The following ITPRID1 variants were observed in gnomAD, a reference collection of about 807,000 sequenced individuals.
The protein encoded by ITPRID1 is ITPR interacting domain containing 1, also known as protein ITPRID1.
ITPRID1 carries 96 observed loss-of-function variants against 95.4 expected under a neutral mutation model. The observed-to-expected ratio is 1.01, with a 90% CI of 0.85 to 1.19. The LOEUF is 1.19. Ranked by LOEUF, ITPRID1 falls within the 50% of genes most tolerant of loss-of-function variation. ITPRID1 has a pLI of 0.00. For missense variants in ITPRID1, 1,339 were observed against 1,252.9 expected, an observed-to-expected ratio of 1.07 and a Z score of -1.04; for synonymous variants, 510 against 453.6, an observed-to-expected ratio of 1.12 and a Z score of -1.58.
At chr7:31,573,955 G>T (rs550021664) in intron 7 of ITPRID1, among the ~76,000 whole-genome samples, 1 of 151,840 alleles carries the variant, frequency 6.6e-6, no homozygotes, top group South Asian at 2.1e-4. Flanking sequence ...AGAATGAGTT[G>T]GTAAAAGCAT....
chr7:31,557,305 G>T (rs896329342), intron 5 of ITPRID1, among the ~76,000 whole-genome samples: 2 of 152,054 alleles, frequency 1.3e-5, no homozygotes, highest in African/African-American at 4.8e-5. Context: ...AGATCTAAGT[G>T]TCTTCATCTT....
chr7:31,554,308 G>A, intron 3 of ITPRID1, 167 bp from the exon 4 acceptor site: 2 of 1,259,596 alleles, frequency 1.6e-6, no homozygotes, highest in Non-Finnish European at 2.1e-6. Context: ...GCTGATCATG[G>A]AAAACAGGAG....
At chr7:31,540,519 C>T (rs1783900495) in intron 1 of ITPRID1, among the ~76,000 whole-genome samples, 1 of 152,164 alleles carries the variant, frequency 6.6e-6, no homozygotes, top group Non-Finnish European at 1.5e-5. Context: ...TTTTGAAACA[C>T]AATTTTCTCT....
intron 10 of ITPRID1, among the ~76,000 whole-genome samples, chr7:31,602,846 T>A (rs1443214204): frequency 6.6e-6 from 1 of 152,132 alleles, no homozygotes; most frequent in East Asian, 1.9e-4. Context: ...TGGTTATTTA[T>A]TTTGTTCACA....
At chr7:31,632,935 G>T (rs1789149184) in intron 10 of ITPRID1, among the ~76,000 whole-genome samples, 1 of 151,742 alleles carries the variant, frequency 6.6e-6, no homozygotes, top group Non-Finnish European at 1.5e-5. Flanking sequence ...TCGCCAGGCT[G>T]GAGTGCTGTG....
chr7:31,580,092 A>G (rs1785340641), intron 9 of ITPRID1, among the ~76,000 whole-genome samples: 1 of 152,052 alleles, frequency 6.6e-6, no homozygotes, highest in South Asian at 2.1e-4. Context: ...GAGGTCAGGA[A>G]TTTGAGACCA....
At position 31,577,992 on chromosome 7, in the gene ITPRID1, T is replaced by C; in HGVS notation, c.728T>C (p.Val243Ala). Residue 243 changes from valine (V) to alanine (A), a missense_variant, in exon 9 of 15, where the codon GTG (valine) becomes GCG (alanine). By Grantham distance (64) the Val-to-Ala change is moderately conservative. Transcript: ENST00000615280. ...AGGESVQRTS[V>A]SAAKEHRRRM... ...GGAGAGAGTGTGCAAAGAACCTCAG[T>C]GAGTGCCGCCAAAGAGCATCGAAGA... 1.2e-6 allele frequency: 2 copies of C among 1,613,688 alleles called. No individual in the cohort carries two copies. Among genetic ancestry groups the C allele is most frequent in the Non-Finnish European group, 1.7e-6 (2 of 1,179,806 alleles).
intron 13 of ITPRID1, 62 bp from the exon 14 acceptor site, chr7:31,651,877 A>C: frequency 4.3e-6 from 5 of 1,163,668 alleles, no homozygotes; most frequent in Non-Finnish European, 6.3e-6. Context: ...ATGAGGTGAC[A>C]ATGGAAGATT....
At chr7:31,559,727 C>T (rs2128139147) in intron 5 of ITPRID1, among the ~76,000 whole-genome samples, 1 of 152,274 alleles carries the variant, frequency 6.6e-6, no homozygotes, top group Non-Finnish European at 1.5e-5. Flanking sequence ...ATTTAGGCAG[C>T]ATTACTAGTA....
chr7:31,651,540 C>T (rs1272401915), intron 13 of ITPRID1, among the ~76,000 whole-genome samples: 2 of 152,024 alleles, frequency 1.3e-5, no homozygotes, highest in East Asian at 3.9e-4. Context: ...GGATGGGGCT[C>T]GTGCAAATGC....
intron 10 of ITPRID1, among the ~76,000 whole-genome samples, chr7:31,634,246 A>T (rs1171866703): frequency 6.6e-6 from 1 of 152,212 alleles, no homozygotes; most frequent in Non-Finnish European, 1.5e-5. Flanking sequence ...CCATGAAGAC[A>T]CTTGTGTGCT....
In ITPRID1 at chr7:31,653,434, T is replaced by C. The variant is rs1412168667; in HGVS notation, c.*605T>C. Reference sequence around the variant, plus strand: ...AATAAACATAGGGCAGAGGAAGCAATCAGATATGCATTTGTCTCGGGGGAG... The same window carrying C: ...AATAAACATAGGGCAGAGGAAGCAACCAGATATGCATTTGTCTCGGGGGAG... On this transcript the variant is annotated 3_prime_UTR_variant, in exon 15 of 15. Transcript: ENST00000615280. 6.5e-6 allele frequency: 1 copy of C among 153,288 alleles called. No individual in the cohort carries two copies. Among genetic ancestry groups the C allele is most frequent in the Non-Finnish European group, 1.5e-5 (1 of 68,856 alleles). 9.5% of individuals were successfully genotyped at this position (153,288 alleles called of 1,614,324 possible).
Position 31,643,313 on chromosome 7 carries a change from A to T in ITPRID1, c.1943A>T (p.Glu648Val), listed in dbSNP as rs150134204. 7.9e-5 allele frequency: 128 copies of T among 1,613,948 alleles called. No individual in the cohort carries two copies. The African/African-American group carries it at 1.2e-3, about 15-fold the overall frequency. Reference sequence around the variant, plus strand: ...TCACAGTGTATCCCCAAGCACAGTGAAATCACACCTTATGCAACTGACCTT... The same window carrying T: ...TCACAGTGTATCCCCAAGCACAGTGTAATCACACCTTATGCAACTGACCTT... Reference protein sequence around the residue: ...SSSQCIPKHSEITPYATDLAQ... With the variant: ...SSSQCIPKHSVITPYATDLAQ... Residue 648 changes from glutamate to valine, a missense_variant, in exon 12 of 15, where the codon GAA becomes GTA. Coordinates refer to ENST00000615280, the MANE Select transcript of ITPRID1 (RefSeq NM_001257967.3).
chr7:31,578,000 G>T lies in ITPRID1; in HGVS notation c.736G>T (p.Ala246Ser). 1.2e-6 allele frequency: 2 copies of T among 1,613,738 alleles called. No homozygotes were observed. The highest frequency in any genetic ancestry group is 1.7e-6 in the Non-Finnish European group (2 of 1,179,820). The change falls in exon 9 of 15, where the codon GCC becomes TCC. Residue 246 changes from alanine to serine, a missense_variant. Transcript: ENST00000615280. ...ESVQRTSVSA[A>S]KEHRRRMGKL... is the part of the protein sequence containing the mutation. ...TGTGCAAAGAACCTCAGTGAGTGCCGCCAAAGAGCATCGAAGAAGAATGGG... is the reference window on the plus strand; with the variant it reads ...TGTGCAAAGAACCTCAGTGAGTGCCTCCAAAGAGCATCGAAGAAGAATGGG...
rs536862025 is a variant in ITPRID1 at position 31,598,468 on chromosome 7, A to G, written c.1228+15277A>G. Among the ~76,000 whole-genome samples, 14 of 125,150 alleles carry G rather than the reference A, an allele frequency of 1.1e-4. No homozygotes were observed. In the South Asian group the frequency reaches 3.1e-3, roughly 28 times the overall value. 82.1% of individuals were successfully genotyped at this position (125,150 alleles called of 152,430 possible). A position where few individuals can be genotyped will look rare whatever the true frequency, so the allele number is the denominator to read the frequency against. ...ACCCAGGCTGGAGTGCAGTGGCGCT[A>G]TCTCGGCTCACTGCAAGCTCCGCCT... On this transcript the variant is annotated intron_variant, in intron 10 of 14. Coordinates refer to ENST00000615280, the MANE Select transcript of ITPRID1 (RefSeq NM_001257967.3).
intron 6 of ITPRID1, 128 bp from the exon 7 acceptor site, chr7:31,571,974 T>C: frequency 3.3e-6 from 2 of 613,212 alleles, no homozygotes; most frequent in South Asian, 4.2e-5. Context: ...AAAGGTGTGG[T>C]CATTATGGGA....
chr7:31,647,963 G>A (rs949573322), intron 12 of ITPRID1, among the ~76,000 whole-genome samples: 2 of 151,832 alleles, frequency 1.3e-5, no homozygotes, highest in African/African-American at 4.8e-5. Context: ...GCAATAATTT[G>A]TTAATTCAAA....
intron 10 of ITPRID1, among the ~76,000 whole-genome samples, chr7:31,596,117 A>C (rs1340915394): frequency 6.6e-6 from 1 of 151,334 alleles, no homozygotes; most frequent in Non-Finnish European, 1.5e-5. Context: ...CTATATTACC[A>C]ATATTTTTAT....
chr7:31,585,429 C>G (rs1785555593), intron 10 of ITPRID1, among the ~76,000 whole-genome samples: 2 of 151,804 alleles, frequency 1.3e-5, no homozygotes, highest in African/African-American at 4.8e-5. Context: ...CTGAGCCCCC[C>G]AAAAGTAAAA....
Sources: gnomAD v4.1 joint callset for allele counts (sites outside exome capture counted in the v4.1 genomes callset) on GRCh38, gnomAD v4.1.1 for gene constraint, MANE v1.5 for transcripts, NCBI Gene and HGNC (gene_info 2026-07-23, HGNC 2026-07-21) for gene names.